The following SKIC2 variants were observed in gnomAD, a reference collection of about 807,000 sequenced individuals.
SKIC2 encodes superkiller complex protein 2.
At chr6:31,962,072 A>C in the SKIC2 span, 80 of 1,610,284 alleles carry the variant, frequency 5.0e-5, no homozygotes, top group Non-Finnish European at 5.6e-5. The surrounding 1 kb of genome is among the most constrained non-coding windows in gnomAD (Gnocchi z 5.0). Context: ...TTCCTTTGCC[A>C]ACCTCCCCCT....
chr6:31,963,196 G>T, the SKIC2 span: 1 of 861,954 alleles, frequency 1.2e-6, no homozygotes, highest in South Asian at 1.6e-5. The surrounding 1 kb of genome is among the most constrained non-coding windows in gnomAD (Gnocchi z 5.3). Context: ...CAGGCCTTAG[G>T]GGTGATGCTG....
At chr6:31,968,901 G>C in the SKIC2 span, 3 of 1,612,976 alleles carry the variant, frequency 1.9e-6, no homozygotes, top group Non-Finnish European at 2.5e-6. The surrounding 1 kb of genome is among the most constrained non-coding windows in gnomAD (Gnocchi z 6.1). Flanking sequence ...TGTGGACGAG[G>C]CGGGCACTGT....
chr6:31,959,184 G>A, the SKIC2 span: 4 of 1,609,952 alleles, frequency 2.5e-6, no homozygotes, highest in African/African-American at 1.3e-5. Flanking sequence ...CAGCTGCTGT[G>A]GCTCCAGGAT....
At chr6:31,961,465 A>C in the SKIC2 span, 6 of 1,533,322 alleles carry the variant, frequency 3.9e-6, no homozygotes, top group Non-Finnish European at 5.3e-6. Flanking sequence ...TCTGAGGGGA[A>C]GAAAGGGACA....
the SKIC2 span, chr6:31,961,475 A>G: frequency 1.9e-4 from 292 of 1,534,936 alleles, no homozygotes; most frequent in Non-Finnish European, 1.6e-4. Context: ...AGAAAGGGAC[A>G]TCTTTTGGGA....
the SKIC2 span, chr6:31,966,631 G>C: frequency 6.7e-7 from 1 of 1,499,048 alleles, no homozygotes. This position sits in a 1 kb window ranked among gnomAD's most constrained non-coding sequence, Gnocchi z 5.9. Context: ...TCTGACGGGA[G>C]TAGGCCCAGT....
chr6:31,964,631 C>T, the SKIC2 span, among the ~76,000 whole-genome samples: 2 of 152,130 alleles, frequency 1.3e-5, no homozygotes, highest in African/African-American at 2.4e-5. This position sits in a 1 kb window ranked among gnomAD's most constrained non-coding sequence, Gnocchi z 5.0. Context: ...AGCAAGCATT[C>T]GAAAAGTTAT....
chr6:31,961,386 G>C, the SKIC2 span: 1 of 1,548,186 alleles, frequency 6.5e-7, no homozygotes, highest in Non-Finnish European at 8.7e-7. Flanking sequence ...TAGTGTTGAA[G>C]GTTGGTGGTT....
At chr6:31,961,325 C>G in the SKIC2 span, 1 of 1,592,842 alleles carries the variant, frequency 6.3e-7, no homozygotes, top group Non-Finnish European at 8.5e-7. Flanking sequence ...GACACTGTTT[C>G]AGCCTCTCCC....
chr6:31,963,615 G>T, the SKIC2 span: 13 of 1,531,138 alleles, frequency 8.5e-6, no homozygotes, highest in Non-Finnish European at 1.1e-5. This position sits in a 1 kb window ranked among gnomAD's most constrained non-coding sequence, Gnocchi z 5.3. Flanking sequence ...GGACATTGTG[G>T]CTACCCCTCC....
the SKIC2 span, chr6:31,963,653 G>T: frequency 5.8e-6 from 9 of 1,551,064 alleles, no homozygotes; most frequent in Non-Finnish European, 7.8e-6. This position sits in a 1 kb window ranked among gnomAD's most constrained non-coding sequence, Gnocchi z 5.3. Context: ...TGCAGCTGTG[G>T]AGGCCAAGAA....
the SKIC2 span, chr6:31,962,722 T>C: frequency 6.2e-7 from 1 of 1,612,832 alleles, no homozygotes; most frequent in African/African-American, 1.3e-5. The surrounding 1 kb of genome is among the most constrained non-coding windows in gnomAD (Gnocchi z 5.0). Context: ...AGCTCCATGC[T>C]GTACAGTGGC....
the SKIC2 span, chr6:31,966,859 G>A: frequency 1.1e-5 from 18 of 1,613,974 alleles, no homozygotes; most frequent in East Asian, 2.2e-5. This position sits in a 1 kb window ranked among gnomAD's most constrained non-coding sequence, Gnocchi z 5.9. Context: ...AAGGAGCCTG[G>A]GGTAACCAGT....
At chr6:31,961,301 G>A in the SKIC2 span, 1 of 1,601,416 alleles carries the variant, frequency 6.2e-7, no homozygotes, top group Admixed American at 1.8e-5. Flanking sequence ...GGACAGCCAG[G>A]AGGTCCCAGA....
the SKIC2 span, chr6:31,969,640 G>A: frequency 1.4e-3 from 2,242 of 1,612,122 alleles, 1 homozygote; most frequent in African/African-American, 2.9e-3. The surrounding 1 kb of genome is among the most constrained non-coding windows in gnomAD (Gnocchi z 6.1). Flanking sequence ...AGCCTGTGCT[G>A]GGTGCCAAGA....
chr6:31,968,144 T>C, the SKIC2 span: 2 of 1,602,056 alleles, frequency 1.2e-6, no homozygotes, highest in Non-Finnish European at 1.7e-6. The surrounding 1 kb of genome is among the most constrained non-coding windows in gnomAD (Gnocchi z 6.1). Context: ...GGAGGGGCAG[T>C]GGTCTGGGAG....
chr6:31,967,380 G>A, the SKIC2 span: 2 of 1,606,086 alleles, frequency 1.2e-6, no homozygotes, highest in Admixed American at 3.3e-5. This position sits in a 1 kb window ranked among gnomAD's most constrained non-coding sequence, Gnocchi z 4.9. Flanking sequence ...TCCTACAGGT[G>A]AGGGTGATGG....
the SKIC2 span, chr6:31,960,676 T>C: frequency 6.3e-6 from 10 of 1,588,884 alleles, no homozygotes; most frequent in South Asian, 1.0e-4. Flanking sequence ...GGGGGATGGA[T>C]GAACCCACCA....
chr6:31,968,070 A>G, the SKIC2 span: 2 of 1,612,950 alleles, frequency 1.2e-6, no homozygotes, highest in Admixed American at 1.7e-5. The surrounding 1 kb of genome is among the most constrained non-coding windows in gnomAD (Gnocchi z 6.1). Flanking sequence ...AAGAGGCAGC[A>G]GCCAAAATTC....
Sources: gnomAD v4.1 joint callset for allele counts (sites outside exome capture counted in the v4.1 genomes callset) on GRCh38, gnomAD v4.1.1 for gene constraint, Gnocchi (gnomAD v3.1) non-coding constraint, MANE v1.5 for transcripts, NCBI Gene and HGNC (gene_info 2026-07-23, HGNC 2026-07-21) for gene names.